Variants in PPP2R2B observed in about 807,000 individuals in gnomAD.
PPP2R2B encodes protein phosphatase 2 regulatory subunit Bbeta, also known as serine/threonine-protein phosphatase 2A 55 kDa regulatory subunit B beta isoform.
A neutral mutation model predicts 46.0 loss-of-function variants in PPP2R2B; 5 were observed. The observed-to-expected ratio is 0.11, with a 90% CI of 0.06 to 0.23. The LOEUF (loss-of-function observed/expected upper bound fraction) is 0.23, where lower values mean the gene tolerates loss of function less well. Among genes scored for constraint, PPP2R2B ranks in the 10% least tolerant of loss-of-function variants. PPP2R2B has a pLI of 1.00. For synonymous variants in PPP2R2B, 215 were observed against 206.7 expected, an observed-to-expected ratio of 1.04 and a Z score of -0.34; for missense variants, 367 against 575.0, an observed-to-expected ratio of 0.64 and a Z score of 3.70.
At chr5:146,652,348 C>G (rs1776028616) in intron 5 of PPP2R2B, among the ~76,000 whole-genome samples, 1 of 152,204 alleles carries the variant, frequency 6.6e-6, no homozygotes, top group African/African-American at 2.4e-5. Context: ...CCTACCCACT[C>G]TTTCAACAAT....
rs533233884 is a variant in PPP2R2B at position 146,664,332 on chromosome 5, A to G, written c.448-13608T>C. On this transcript the variant is annotated intron_variant, in intron 5 of 9. Coordinates refer to ENST00000394411, the MANE Select transcript of PPP2R2B (RefSeq NM_181675.4). Reference sequence around the variant, plus strand: ...ACTTTATTAACACAGCTTTATTAATATTGACGTGATATTCTAAATCCTTTG... The same window carrying G: ...ACTTTATTAACACAGCTTTATTAATGTTGACGTGATATTCTAAATCCTTTG... Among the ~76,000 whole-genome samples the G allele has an allele frequency of 1.8e-4, 28 of 152,280 alleles. No homozygotes were observed. The South Asian group carries it at 5.4e-3, about 29-fold the overall frequency.
At chr5:146,664,762 G>A (rs540792242) in intron 5 of PPP2R2B, among the ~76,000 whole-genome samples, 2 of 152,038 alleles carry the variant, frequency 1.3e-5, no homozygotes, top group Admixed American at 6.6e-5. Context: ...TTTTGGTAGC[G>A]ATAGCCTTTC....
intron 1 of PPP2R2B, among the ~76,000 whole-genome samples, chr5:146,959,135 T>C (rs1752058174): frequency 6.6e-6 from 1 of 152,214 alleles, no homozygotes; most frequent in South Asian, 2.1e-4. Flanking sequence ...GAGAGTATAG[T>C]AGAAACCTGG....
chr5:146,727,326 ATTTTAT>A (rs1295908736), intron 2 of PPP2R2B, among the ~76,000 whole-genome samples: 1 of 151,786 alleles, frequency 6.6e-6, no homozygotes, highest in Non-Finnish European at 1.5e-5. Context: ...TTATTTAAAA[ATTTTAT>A]TTTTAATTGA....
intron 2 of PPP2R2B, among the ~76,000 whole-genome samples, chr5:146,775,382 G>C (rs572612071): frequency 1.9e-4 from 29 of 152,124 alleles, no homozygotes; most frequent in African/African-American, 5.5e-4. Flanking sequence ...TAGAATAAAG[G>C]AAAAAACTAT....
At chr5:146,686,469 C>T (rs1199324099) in intron 5 of PPP2R2B, among the ~76,000 whole-genome samples, 1 of 151,976 alleles carries the variant, frequency 6.6e-6, no homozygotes, top group Non-Finnish European at 1.5e-5. Context: ...AAAAATAGAA[C>T]CTAACCGAGA....
chr5:146,788,779 A>C (rs1756007413), intron 2 of PPP2R2B, among the ~76,000 whole-genome samples: 1 of 152,114 alleles, frequency 6.6e-6, no homozygotes, highest in Non-Finnish European at 1.5e-5. Context: ...CTTTAAATAT[A>C]ATCCTTTGGG....
intron 1 of PPP2R2B, among the ~76,000 whole-genome samples, chr5:146,885,284 A>G (rs1246437138): frequency 6.6e-6 from 1 of 152,204 alleles, no homozygotes; most frequent in South Asian, 2.1e-4. Flanking sequence ...CCAACCCATG[A>G]TCTGTCTCTA....
chr5:146,992,196 C>T (rs1416711485), intron 1 of PPP2R2B, among the ~76,000 whole-genome samples: 1 of 152,044 alleles, frequency 6.6e-6, no homozygotes, highest in African/African-American at 2.4e-5. Context: ...AATAGATAGC[C>T]CAGAAATGAA....
At chr5:146,653,982 G>C (rs763166520) in intron 5 of PPP2R2B, among the ~76,000 whole-genome samples, 19 of 152,172 alleles carry the variant, frequency 1.2e-4, no homozygotes, top group Non-Finnish European at 2.6e-4. Context: ...GGACACGATG[G>C]ACCGATTAGG....
intron 1 of PPP2R2B, among the ~76,000 whole-genome samples, chr5:146,890,350 G>T (rs1325430735): frequency 6.6e-6 from 1 of 152,194 alleles, no homozygotes; most frequent in Non-Finnish European, 1.5e-5. Context: ...AAGCCTTTAT[G>T]CTCAGTTCTA....
At chr5:146,677,554 T>C (rs896313743) in intron 5 of PPP2R2B, among the ~76,000 whole-genome samples, 21 of 116,400 alleles carry the variant, frequency 1.8e-4, no homozygotes, top group African/African-American at 8.1e-4. Flanking sequence ...CCTCCCTCTG[T>C]CTGAGACAGG....
rs1023988992 is a variant in PPP2R2B at position 146,588,823 on chromosome 5, G to A, written c.*1124C>T. On this transcript the variant is annotated 3_prime_UTR_variant, in exon 10 of 10. Coordinates refer to ENST00000394411, the MANE Select transcript of PPP2R2B (RefSeq NM_181675.4). ...TTTTTCCAGATGGCGAGCTTGGGGT[G>A]AGTTAGAAGTGCCTGATTGGACTTC... is the stretch of plus-strand genomic sequence containing the variant. The A allele has an allele frequency of 6.6e-5, 10 of 152,186 alleles. No homozygotes were observed. Among genetic ancestry groups the A allele is most frequent in the African/African-American group, 2.2e-4 (9 of 41,438 alleles). The allele number at this position is 152,186 out of a possible 1,614,324, so 9.4% of individuals were successfully genotyped here.
At chr5:146,608,544 C>A (rs1772523887) in intron 7 of PPP2R2B, among the ~76,000 whole-genome samples, 1 of 152,068 alleles carries the variant, frequency 6.6e-6, no homozygotes, top group African/African-American at 2.4e-5. Context: ...CACCTGTAAT[C>A]CCAGCACTTT....
chr5:146,929,131 C>G (rs190857255), intron 1 of PPP2R2B, among the ~76,000 whole-genome samples: 1 of 152,184 alleles, frequency 6.6e-6, no homozygotes, highest in Non-Finnish European at 1.5e-5. Context: ...TGTGTGTCCC[C>G]ACTGCCCGCC....
At position 146,609,951 on chromosome 5, in the gene PPP2R2B, G is replaced by C. The variant is rs887229634; in HGVS notation, c.791-9491C>G. Among the ~76,000 whole-genome samples, 37 of 145,220 alleles carry C rather than the reference G, an allele frequency of 2.5e-4. 2 individuals carry two copies. Among genetic ancestry groups the C allele is most frequent in the Non-Finnish European group, 4.6e-4 (31 of 67,722 alleles). On this transcript the variant is annotated intron_variant, in intron 7 of 9. Transcript: ENST00000394411. Reference sequence around the variant, plus strand: ...GCCATTGATTGCCCAGGCTTGCTTAGGTAAACAAAGCAGCCGGGAAGCTCG... The same window carrying C: ...GCCATTGATTGCCCAGGCTTGCTTACGTAAACAAAGCAGCCGGGAAGCTCG...
intron 2 of PPP2R2B, among the ~76,000 whole-genome samples, chr5:146,808,043 T>C (rs249903): frequency 0.9 from 136,580 of 151,698 alleles, 61,631 homozygotes; most frequent in African/African-American, 0.94. Context: ...TCAGGTGATC[T>C]GCCTGCCTCA....
chr5:146,615,673 A>AACTT (rs1349010749), intron 7 of PPP2R2B, among the ~76,000 whole-genome samples: 1 of 152,102 alleles, frequency 6.6e-6, no homozygotes, highest in East Asian at 1.9e-4. Context: ...CCAAGGATTT[A>AACTT]ACTTACTTAC....
intron 3 of PPP2R2B, 69 bp from the exon 4 acceptor site, chr5:146,698,213 CT>C (rs575978395): frequency 3.7e-5 from 49 of 1,334,906 alleles, no homozygotes; most frequent in East Asian, 8.9e-5. Context: ...CGCCAACTCC[CT>C]TTTTTTTCCA....
Sources: allele counts gnomAD v4.1 joint callset (sites outside exome capture counted in the v4.1 genomes callset), GRCh38; gene constraint gnomAD v4.1.1; transcripts MANE v1.5; gene names NCBI Gene and HGNC (gene_info 2026-07-23, HGNC 2026-07-21).